Variants in DIXDC1 observed in about 807,000 individuals in gnomAD.
The protein encoded by DIXDC1 is dixin.
DIXDC1 carries 64 observed loss-of-function variants against 103.1 expected under a neutral mutation model. The observed-to-expected ratio is 0.62, with a 90% CI of 0.51 to 0.76. DIXDC1 has a LOEUF of 0.76. Ranked by LOEUF, DIXDC1 falls within the 30% of genes least tolerant of loss-of-function variation. The pLI is 0.00. For missense variants in DIXDC1, 759 were observed against 834.2 expected (o/e 0.91, Z 1.11); for synonymous variants, 266 against 298.5 (o/e 0.89, Z 1.12).
At chr11:111,929,183 A>G (rs1965934851) in intron 1 of DIXDC1, among the ~76,000 whole-genome samples, 1 of 152,198 alleles carries the variant, frequency 6.6e-6, no homozygotes, top group Non-Finnish European at 1.5e-5. Context: ...TGTCCCCCCA[A>G]CAAAAAAAAG....
chr11:111,963,924 T>G (rs1236230819), intron 1 of DIXDC1, among the ~76,000 whole-genome samples: 1 of 152,184 alleles, frequency 6.6e-6, no homozygotes, highest in Non-Finnish European at 1.5e-5. Context: ...CAGATCCTCT[T>G]TGACAATATA....
In DIXDC1 at chr11:111,958,300, C is replaced by T. The variant is rs1859456368; in HGVS notation, c.61-6249C>T. Among the ~76,000 whole-genome samples the T allele has an allele frequency of 6.6e-6, 1 of 152,208 alleles. No homozygotes were observed. The highest frequency in any genetic ancestry group is 1.5e-5 in the Non-Finnish European group (1 of 68,018). On this transcript the variant is annotated intron_variant, in intron 1 of 19. Coordinates refer to ENST00000440460, the MANE Select transcript of DIXDC1 (RefSeq NM_001037954.4). The surrounding 1 kb of genome is among the most constrained non-coding windows in gnomAD (Gnocchi z 4.2). ...AGCCCCAACCCCTCAGGTATAGCTG[C>T]AGCTGCAGCTGCCCAAGCCACAGCT...
chr11:111,984,436 A>G (rs1555173606), intron 7 of DIXDC1, among the ~76,000 whole-genome samples: 1 of 152,180 alleles, frequency 6.6e-6, no homozygotes, highest in African/African-American at 2.4e-5. Flanking sequence ...AATCCCAGCT[A>G]CTAGGAGGCT....
intron 17 of DIXDC1, among the ~76,000 whole-genome samples, chr11:112,013,229 T>C (rs1861477959): frequency 6.8e-6 from 1 of 147,400 alleles, no homozygotes; most frequent in Admixed American, 6.9e-5. Context: ...TATGACCTCA[T>C]TTAATCTTAA....
chr11:111,997,428 C>T (rs782630894), intron 17 of DIXDC1, among the ~76,000 whole-genome samples: 5 of 151,978 alleles, frequency 3.3e-5, no homozygotes, highest in South Asian at 2.1e-4. Flanking sequence ...CTCTGTCTCC[C>T]GGGTTCAAGC....
rs1859814840 is a variant in DIXDC1, at chr11:111,968,702, A to G, written c.316+64A>G. On this transcript the variant is annotated intron_variant, in intron 3 of 19. Coordinates refer to ENST00000440460, the MANE Select transcript of DIXDC1 (RefSeq NM_001037954.4). ...TTAACCAGTGAGTGCTAGCCTCAGG[A>G]AAATCCTTGGCTGTAACCTGGGGGA... is the stretch of plus-strand genomic sequence containing the variant. 2.0e-6 allele frequency: 3 copies of G among 1,476,130 alleles called. No homozygotes were observed. The Admixed American group carries it at 6.1e-5, about 30-fold the overall frequency. 91.4% of individuals were successfully genotyped at this position (1,476,130 alleles called of 1,614,324 possible). A position where few individuals can be genotyped will look rare whatever the true frequency, so the allele number is the denominator to read the frequency against.
At chr11:112,009,241 C>G (rs982008177) in intron 17 of DIXDC1, among the ~76,000 whole-genome samples, 5 of 152,024 alleles carry the variant, frequency 3.3e-5, no homozygotes, top group Admixed American at 3.3e-4. Context: ...CATACACCCT[C>G]CCAAGACTAA....
intron 1 of DIXDC1, among the ~76,000 whole-genome samples, chr11:111,960,812 C>T (rs184980075): frequency 1.3e-5 from 2 of 152,118 alleles, no homozygotes; most frequent in Non-Finnish European, 2.9e-5. Flanking sequence ...TGGTTGTTAA[C>T]CAAGGGGGCT....
upstream of DIXDC1, among the ~76,000 whole-genome samples, chr11:111,936,198 C>T (rs1237352482): frequency 6.6e-6 from 1 of 152,226 alleles, no homozygotes; most frequent in Non-Finnish European, 1.5e-5. Context: ...TTCTCTGAGC[C>T]CTAATGCTCT....
chr11:111,998,112 T>C lies in DIXDC1; in HGVS notation c.1756+1966T>C, dbSNP rs933548934. ...TCAAGTGGTTACTTTTTAAACCTTA[T>C]CTTTCATTGTCTTTTCAAAAGCATT... On this transcript the variant is annotated intron_variant, in intron 17 of 19. Coordinates refer to ENST00000440460, the MANE Select transcript of DIXDC1 (RefSeq NM_001037954.4). This position sits in a 1 kb window ranked among gnomAD's most constrained non-coding sequence, Gnocchi z 4.1. Among the ~76,000 whole-genome samples, 5 of 152,214 alleles carry C rather than the reference T, an allele frequency of 3.3e-5. No homozygotes were observed. The highest frequency in any genetic ancestry group is 1.2e-4 in the African/African-American group (5 of 41,436).
chr11:111,980,672 A>T, intron 5 of DIXDC1, 65 bp from the exon 6 acceptor site: 3 of 1,362,780 alleles, frequency 2.2e-6, no homozygotes, highest in Non-Finnish European at 3.1e-6. Flanking sequence ...GGAATAAATT[A>T]TGAAAGCTGC....
At position 112,017,109 on chromosome 11, in the gene DIXDC1, C is replaced by T. The variant is rs1555177840; in HGVS notation, c.1862+313C>T. ...TTTTTTTAAGTGTTCAAAATAGCTC[C>T]TGCTGATACAATGGATTGCAGCCTG... On this transcript the variant is annotated intron_variant, in intron 18 of 19. Coordinates refer to ENST00000440460, the MANE Select transcript of DIXDC1 (RefSeq NM_001037954.4). This position sits in a 1 kb window ranked among gnomAD's most constrained non-coding sequence, Gnocchi z 4.0. Among the ~76,000 whole-genome samples, 1 of 151,122 alleles carries T rather than the reference C, an allele frequency of 6.6e-6. No homozygotes were observed. Among genetic ancestry groups the T allele is most frequent in the Non-Finnish European group, 1.5e-5 (1 of 67,906 alleles).
In DIXDC1 at chr11:111,992,511, A is replaced by G; in HGVS notation, c.1210A>G (p.Asn404Asp). ...AAATATGGACAAAGATGAGCTGCAC[A>G]ACCAGAATGTGAGTTAAATGAATGA... ...RANMDKDELH[N>D]QNVDLQRKLD... The change falls in exon 11 of 20, where the codon AAC (asparagine) becomes GAC (aspartate). Residue 404 changes from asparagine (N) to aspartate (D), a missense_variant. By Grantham distance (23) the Asn-to-Asp change is conservative. Around this residue, in one of 3 missense-constraint regions of DIXDC1, gnomAD observed 657 missense variants for 727.5 expected, o/e 0.90. Coordinates refer to ENST00000440460, the MANE Select transcript of DIXDC1 (RefSeq NM_001037954.4). 6.4e-7 allele frequency: 1 copy of G among 1,564,170 alleles called. No homozygotes were observed. The highest frequency in any genetic ancestry group is 8.7e-7 in the Non-Finnish European group (1 of 1,153,516).
At chr11:111,955,973 C>CAT (rs1202351335) in intron 1 of DIXDC1, among the ~76,000 whole-genome samples, 5 of 139,888 alleles carry the variant, frequency 3.6e-5, no homozygotes, top group South Asian at 2.3e-4. Flanking sequence ...AAATGTGGTG[C>CAT]ATATATATAT....
chr11:111,975,309 T>A (rs1860061814), intron 5 of DIXDC1: 1 of 1,149,378 alleles, frequency 8.7e-7, no homozygotes, highest in Admixed American at 3.9e-5. Context: ...TGCCAGTGTT[T>A]ATGATAGCCA....
chr11:111,930,026 T>C, intron 2 of DIXDC1: 2 of 989,712 alleles, frequency 2.0e-6, no homozygotes, highest in South Asian at 1.8e-5. Context: ...AATTTTAATA[T>C]ATTTGTCTTT....
chr11:111,968,746 C>A, intron 3 of DIXDC1, 108 bp downstream of exon 3: 3 of 1,192,428 alleles, frequency 2.5e-6, no homozygotes, highest in Non-Finnish European at 1.1e-6. Flanking sequence ...AGTCTCCATT[C>A]ATTTTATTTT....
chr11:111,936,634 A>C (rs1200525263), upstream of DIXDC1, among the ~76,000 whole-genome samples: 1 of 152,126 alleles, frequency 6.6e-6, no homozygotes, highest in African/African-American at 2.4e-5. Flanking sequence ...TCAATAACTA[A>C]AGTTCTTTTT....
chr11:111,986,803 T>C, intron 8 of DIXDC1, 68 bp from the exon 9 acceptor site: 1 of 1,417,304 alleles, frequency 7.1e-7, no homozygotes, highest in Non-Finnish European at 9.7e-7. Context: ...CAATAAATAT[T>C]TGTTGAATGA....
Sources: gnomAD v4.1 joint callset for allele counts (sites outside exome capture counted in the v4.1 genomes callset) on GRCh38, gnomAD v4.1.1 for gene constraint, gnomAD v4.1.1 regional missense constraint, Gnocchi (gnomAD v3.1) non-coding constraint, MANE v1.5 for transcripts, NCBI Gene and HGNC (gene_info 2026-07-23, HGNC 2026-07-21) for gene names.